RCOR1: variants seen among roughly 807,000 people sequenced by gnomAD.
The protein encoded by RCOR1 is REST corepressor.
In RCOR1, 12 loss-of-function variants were observed where a neutral mutation model predicts 64.0. That is an observed-to-expected ratio of 0.19 (90% CI 0.12 to 0.30). The LOEUF is 0.30. RCOR1 is among the 10% of genes least tolerant of loss of function. The probability of loss-of-function intolerance (pLI) is 1.00; values close to 1 mark genes in which losing one functional copy is unlikely to be tolerated. For synonymous variants in RCOR1, 279 were observed against 227.2 expected, an observed-to-expected ratio of 1.23 and a Z score of -2.05; for missense variants, 502 against 621.2, an observed-to-expected ratio of 0.81 and a Z score of 2.04.
At chr14:102,679,654 A>G (rs1027098309) in intron 2 of RCOR1, among the ~76,000 whole-genome samples, 44 of 151,770 alleles carry the variant, frequency 2.9e-4, no homozygotes, top group African/African-American at 1.0e-3. Context: ...AATTTTTTGT[A>G]TTTTTAGTAT....
At chr14:102,679,823 T>A (rs1162685631) in intron 2 of RCOR1, among the ~76,000 whole-genome samples, 1 of 152,220 alleles carries the variant, frequency 6.6e-6, no homozygotes, top group African/African-American at 2.4e-5. Context: ...GATTACTGAT[T>A]TTTTGTAATT....
chr14:102,634,456 T>C (rs1027571889), intron 2 of RCOR1, among the ~76,000 whole-genome samples: 1 of 152,094 alleles, frequency 6.6e-6, no homozygotes, highest in African/African-American at 2.4e-5. Context: ...ATGTGATCTC[T>C]TCTTGACTGA....
intron 2 of RCOR1, among the ~76,000 whole-genome samples, chr14:102,636,356 C>T (rs998403440): frequency 6.6e-6 from 1 of 151,988 alleles, no homozygotes; most frequent in South Asian, 2.1e-4. Flanking sequence ...TGGCGCACTG[C>T]AACCTCTGCC....
At chr14:102,635,939 TCTCC>T (rs1052132043) in intron 2 of RCOR1, among the ~76,000 whole-genome samples, 298 of 151,984 alleles carry the variant, frequency 2.0e-3, no homozygotes, top group African/African-American at 6.7e-3. Context: ...CATAAAAGTT[TCTCC>T]CTCCCTCCCT....
intron 3 of RCOR1, among the ~76,000 whole-genome samples, chr14:102,697,733 T>A (rs1895676605): frequency 6.6e-6 from 1 of 151,912 alleles, no homozygotes; most frequent in African/African-American, 2.4e-5. Flanking sequence ...ATTTTTTTTT[T>A]TTTTTTGGAC....
chr14:102,627,669 A>AC (rs1388461402), intron 2 of RCOR1, among the ~76,000 whole-genome samples: 4 of 151,628 alleles, frequency 2.6e-5, no homozygotes, highest in African/African-American at 9.7e-5. Context: ...AAAAAAAAAA[A>AC]AACACACACA....
Position 102,722,181 on chromosome 14 carries a change from C to T in RCOR1, c.1190-6C>T, listed in dbSNP as rs538864598. 52 of 1,608,498 alleles carry T rather than the reference C, an allele frequency of 3.2e-5. No homozygotes were observed. The East Asian group carries it at 8.5e-4, about 26-fold the overall frequency. On this transcript the variant is annotated splice_region_variant and splice_polypyrimidine_tract_variant and intron_variant, in intron 10 of 11. Transcript: ENST00000262241. ...TATTTTAAAAAATGCTTTCTTACATCCTTAGCCATCAGGAAATATGGCCGA... is the reference window on the plus strand; with the variant it reads ...TATTTTAAAAAATGCTTTCTTACATTCTTAGCCATCAGGAAATATGGCCGA...
intron 2 of RCOR1, among the ~76,000 whole-genome samples, chr14:102,603,652 G>T (rs1032131922): frequency 6.7e-6 from 1 of 150,208 alleles, no homozygotes. Context: ...TTAGGGTCTT[G>T]CTCTGTTGCC....
chr14:102,724,207 C>A (rs2139996935), intron 11 of RCOR1, among the ~76,000 whole-genome samples: 1 of 152,286 alleles, frequency 6.6e-6, no homozygotes, highest in African/African-American at 2.4e-5. Context: ...ACCCAGCCTT[C>A]TCTGCAAAAC....
chr14:102,616,542 A>G lies in RCOR1; in HGVS notation c.361+23217A>G, dbSNP rs557987668. 8.6e-4 allele frequency among the ~76,000 whole-genome samples: 131 copies of G among 152,250 alleles called. 2 individuals carry two copies. The highest frequency in any genetic ancestry group is 4.1e-3 in the South Asian group (20 of 4,828). ...GGCCTTGGATTCCCAAAGTGCTGCA[A>G]TTACAGGTGTGAGTCATCATGTTTG... On this transcript the variant is annotated intron_variant, in intron 2 of 11. Coordinates refer to ENST00000262241, the MANE Select transcript of RCOR1 (RefSeq NM_015156.4).
chr14:102,683,652 T>TG (rs937373732), intron 3 of RCOR1, among the ~76,000 whole-genome samples: 3 of 152,220 alleles, frequency 2.0e-5, no homozygotes, highest in African/African-American at 7.2e-5. Context: ...AGCTCTCCTC[T>TG]GGGGGCGCGC....
chr14:102,722,782 G>A (rs753351867), intron 11 of RCOR1, among the ~76,000 whole-genome samples: 32 of 152,214 alleles, frequency 2.1e-4, no homozygotes, highest in African/African-American at 7.7e-4. Flanking sequence ...GAGGGATGTC[G>A]ATGAAGCTCC....
chr14:102,702,757 T>A (rs1161888238), intron 4 of RCOR1, among the ~76,000 whole-genome samples: 1 of 151,798 alleles, frequency 6.6e-6, no homozygotes, highest in Non-Finnish European at 1.5e-5. Flanking sequence ...TGAGGAAGAG[T>A]GTGATTATGA....
chr14:102,633,363 T>A (rs1019263286), intron 2 of RCOR1, among the ~76,000 whole-genome samples: 6 of 152,154 alleles, frequency 3.9e-5, no homozygotes, highest in South Asian at 2.1e-4. Flanking sequence ...ATTAAAAAAA[T>A]TTTTATATAG....
chr14:102,601,320 G>T (rs1304827656), intron 2 of RCOR1, among the ~76,000 whole-genome samples: 1 of 152,156 alleles, frequency 6.6e-6, no homozygotes, highest in Non-Finnish European at 1.5e-5. Context: ...ACCAAACACT[G>T]ATTTAATACT....
chr14:102,597,650 TTTTTG>T (rs1267324291), intron 2 of RCOR1, among the ~76,000 whole-genome samples: 1 of 144,784 alleles, frequency 6.9e-6, no homozygotes, highest in Non-Finnish European at 1.5e-5. Context: ...TTTTTTTTTT[TTTTTG>T]AAATGGAGTC....
intron 2 of RCOR1, among the ~76,000 whole-genome samples, chr14:102,644,138 G>A (rs1894430460): frequency 6.6e-6 from 1 of 152,208 alleles, no homozygotes; most frequent in Non-Finnish European, 1.5e-5. Flanking sequence ...GGCCTTGGCT[G>A]GCCAGACAGC....
intron 2 of RCOR1, among the ~76,000 whole-genome samples, chr14:102,599,562 G>A (rs1893342436): frequency 6.6e-6 from 1 of 152,026 alleles, no homozygotes; most frequent in Admixed American, 6.6e-5. Context: ...TATTTTGAAT[G>A]TTTAATCCAA....
chr14:102,632,641 T>TTCCTA (rs1894140621), intron 2 of RCOR1, among the ~76,000 whole-genome samples: 1 of 61,924 alleles, frequency 1.6e-5, no homozygotes, highest in South Asian at 7.7e-4. Context: ...TTCCTTTCCT[T>TTCCTA]TCCTTTCCTT....
Sources: allele counts gnomAD v4.1 joint callset (sites outside exome capture counted in the v4.1 genomes callset), GRCh38; gene constraint gnomAD v4.1.1; transcripts MANE v1.5; gene names NCBI Gene and HGNC (gene_info 2026-07-23, HGNC 2026-07-21).